Variants in BCAR3 observed in about 807,000 individuals in gnomAD.
BCAR3 encodes the protein BCAR3 adaptor protein, NSP family member.
In BCAR3, 37 loss-of-function variants were observed where a neutral mutation model predicts 80.1. The observed-to-expected ratio is 0.46, with a 90% CI of 0.36 to 0.61. BCAR3 has a LOEUF of 0.61. Ranked by LOEUF, BCAR3 falls within the 20% of genes least tolerant of loss-of-function variation. BCAR3 has a pLI of 0.00. For missense variants in BCAR3, 978 were observed against 1,068.2 expected, an observed-to-expected ratio of 0.92 and a Z score of 1.18; for synonymous variants, 389 against 418.9, an observed-to-expected ratio of 0.93 and a Z score of 0.87.
At chr1:93,673,403 G>A (rs907202019) in intron 2 of BCAR3, among the ~76,000 whole-genome samples, 1 of 152,196 alleles carries the variant, frequency 6.6e-6, no homozygotes, top group Admixed American at 6.5e-5. Flanking sequence ...TCAGGACTGA[G>A]CAGAATTTTC....
chr1:93,619,016 G>A (rs1675228087), intron 3 of BCAR3, among the ~76,000 whole-genome samples: 1 of 148,156 alleles, frequency 6.7e-6, no homozygotes, highest in Non-Finnish European at 1.5e-5. Flanking sequence ...TTGGCTCACT[G>A]CAACCTCTGC....
chr1:93,801,520 A>G (rs11164999), intron 2 of BCAR3, among the ~76,000 whole-genome samples: 21,546 of 152,230 alleles, frequency 0.14, 2,488 homozygotes, highest in African/African-American at 0.31. Context: ...TTTCAAAGTA[A>G]TCCAGCACGA....
chr1:93,789,284 T>C (rs140615863), intron 2 of BCAR3, among the ~76,000 whole-genome samples: 13 of 152,348 alleles, frequency 8.5e-5, no homozygotes, highest in African/African-American at 2.9e-4. Context: ...CCTATTAAAA[T>C]ACTGTCTTTT....
chr1:93,772,821 G>T (rs1652405662), intron 2 of BCAR3, among the ~76,000 whole-genome samples: 1 of 152,080 alleles, frequency 6.6e-6, no homozygotes, highest in Non-Finnish European at 1.5e-5. Context: ...GACAAGGATG[G>T]TCTCTATCTC....
At chr1:93,833,784 G>A (rs1374735470) in intron 2 of BCAR3, among the ~76,000 whole-genome samples, 1 of 152,108 alleles carries the variant, frequency 6.6e-6, no homozygotes, top group Non-Finnish European at 1.5e-5. Context: ...AAACACACAT[G>A]CTTTACAAAC....
At chr1:93,836,761 G>A (rs1654783416) in intron 2 of BCAR3, among the ~76,000 whole-genome samples, 1 of 152,122 alleles carries the variant, frequency 6.6e-6, no homozygotes, top group Non-Finnish European at 1.5e-5. Context: ...AGTGAAAATG[G>A]CCGGTTCCTG....
At chr1:93,808,350 T>C (rs942562029) in intron 2 of BCAR3, among the ~76,000 whole-genome samples, 9 of 152,296 alleles carry the variant, frequency 5.9e-5, no homozygotes, top group Middle Eastern at 3.4e-3. Flanking sequence ...CCACAGATTC[T>C]ATTTTGAGTA....
intron 7 of BCAR3, among the ~76,000 whole-genome samples, chr1:93,581,296 A>G (rs1224548873): frequency 6.6e-6 from 1 of 152,266 alleles, no homozygotes. Context: ...GCAATTATTT[A>G]CATGTATCCA....
chr1:93,588,746 T>C (rs1378418522), intron 5 of BCAR3, among the ~76,000 whole-genome samples: 1 of 146,516 alleles, frequency 6.8e-6, no homozygotes, highest in Admixed American at 7.0e-5. Flanking sequence ...CTTCACAAGG[T>C]ATCCCCATCA....
At chr1:93,642,174 C>T (rs1676000539) in intron 3 of BCAR3, 130 bp downstream of exon 3, 1 of 1,037,192 alleles carries the variant, frequency 9.6e-7, no homozygotes, top group African/African-American at 1.6e-5. Flanking sequence ...AAATTTCCTC[C>T]CTGTTGTTTT....
intron 3 of BCAR3, among the ~76,000 whole-genome samples, chr1:93,632,542 C>T (rs111381834): frequency 1.0e-3 from 155 of 152,236 alleles, no homozygotes; most frequent in African/African-American, 3.6e-3. Flanking sequence ...GTATTAAATG[C>T]ATTTTCAACT....
chr1:93,671,045 T>G (rs1648178359), intron 2 of BCAR3, among the ~76,000 whole-genome samples: 1 of 152,112 alleles, frequency 6.6e-6, no homozygotes, highest in Non-Finnish European at 1.5e-5. Context: ...CAAGGCAGAG[T>G]GCAGTGGCGT....
intron 2 of BCAR3, among the ~76,000 whole-genome samples, chr1:93,798,531 G>A (rs1158120205): frequency 3.3e-5 from 5 of 152,178 alleles, no homozygotes; most frequent in South Asian, 2.1e-4. Flanking sequence ...AAATAACCTC[G>A]CTGTTTCCAT....
At chr1:93,843,243 T>C (rs1234912791) in intron 2 of BCAR3, among the ~76,000 whole-genome samples, 1 of 152,222 alleles carries the variant, frequency 6.6e-6, no homozygotes, top group African/African-American at 2.4e-5. Flanking sequence ...AAATGAAATG[T>C]ACAGCTGAGT....
chr1:93,750,218 T>C (rs1035317714), intron 2 of BCAR3, among the ~76,000 whole-genome samples: 7 of 152,230 alleles, frequency 4.6e-5, no homozygotes, highest in Admixed American at 3.3e-4. Context: ...TGCTCAGGAC[T>C]GCCTCCTTCA....
intron 2 of BCAR3, among the ~76,000 whole-genome samples, chr1:93,706,361 G>T (rs1330979842): frequency 2.0e-5 from 3 of 152,166 alleles, no homozygotes; most frequent in Admixed American, 2.0e-4. Flanking sequence ...TGTTGTCTCA[G>T]CAGGTTACAA....
chr1:93,615,714 G>A (rs1207048061), intron 3 of BCAR3, among the ~76,000 whole-genome samples: 1 of 152,178 alleles, frequency 6.6e-6, no homozygotes, highest in Non-Finnish European at 1.5e-5. Context: ...CCGTTAGATG[G>A]AGTTCAAAGG....
chr1:93,684,816 G>A (rs1013592248), upstream of BCAR3, among the ~76,000 whole-genome samples: 4 of 152,080 alleles, frequency 2.6e-5, no homozygotes, highest in East Asian at 3.8e-4. Context: ...TGCAACCTCC[G>A]CCTCCTGGGT....
chr1:93,682,804 CG>C (rs1246939154), upstream of BCAR3, among the ~76,000 whole-genome samples: 1 of 152,148 alleles, frequency 6.6e-6, no homozygotes, highest in Non-Finnish European at 1.5e-5. Flanking sequence ...CCACCCACCT[CG>C]GCCTCCCAAA....
Sources: gnomAD v4.1 joint callset for allele counts (sites outside exome capture counted in the v4.1 genomes callset) on GRCh38, gnomAD v4.1.1 for gene constraint, MANE v1.5 for transcripts, NCBI Gene and HGNC (gene_info 2026-07-23, HGNC 2026-07-21) for gene names.